The following ZBED6 variants were observed in gnomAD, a reference collection of about 807,000 sequenced individuals.
ZBED6 encodes the protein zinc finger BED-type containing 6.
Under a neutral mutation model 58.4 loss-of-function variants are expected in ZBED6, and 40 were observed. The ratio of observed to expected loss-of-function variants is 0.68; its 90% confidence interval spans 0.53 to 0.89. ZBED6 has a LOEUF of 0.89. ZBED6 is among the 40% of genes least tolerant of loss of function. ZBED6 has a pLI of 0.00. For synonymous variants in ZBED6, 439 were observed against 350.6 expected, an observed-to-expected ratio of 1.25 and a Z score of -2.82; for missense variants, 1,057 against 1,003.9, an observed-to-expected ratio of 1.05 and a Z score of -0.71.
intron 1 of ZBED6, among the ~76,000 whole-genome samples, chr1:203,809,979 A>AG (rs1337709923): frequency 6.6e-6 from 1 of 152,138 alleles, no homozygotes; most frequent in Non-Finnish European, 1.5e-5. Context: ...AACAAAAAAA[A>AG]GTAACTGGGT....
At chr1:203,834,122 C>A in intron 9 of ZBED6, 2 of 1,106,856 alleles carry the variant, frequency 1.8e-6, no homozygotes, top group Non-Finnish European at 2.2e-6. Context: ...ACCTCTATTT[C>A]TCTGAACAAA....
exon 1 of ZBED6, chr1:203,800,787 A>G (rs181240822): frequency 5.6e-6 from 1 of 180,048 alleles, no homozygotes; most frequent in East Asian, 1.4e-4. Context: ...GTTTTAAGTA[A>G]AACTTCCCCC....
At chr1:203,812,973 T>A (rs1321559988) in intron 1 of ZBED6, among the ~76,000 whole-genome samples, 1 of 152,232 alleles carries the variant, frequency 6.6e-6, no homozygotes, top group East Asian at 1.9e-4. Flanking sequence ...CTGTATACCT[T>A]CTTTGGTGAG....
intron 10 of ZBED6, 90 bp from the exon 11 acceptor site, chr1:203,840,216 G>A: frequency 7.7e-7 from 1 of 1,291,396 alleles, no homozygotes. Context: ...TGGGATTACA[G>A]GTGTATGCCA....
intron 3 of ZBED6, 106 bp downstream of exon 3, chr1:203,818,795 T>C: frequency 6.5e-7 from 1 of 1,529,024 alleles, no homozygotes; most frequent in Non-Finnish European, 8.9e-7. Context: ...TAAGGCTGAG[T>C]GCAGTGGCTC....
chr1:203,833,567 A>G (rs941489247), intron 8 of ZBED6, among the ~76,000 whole-genome samples: 7 of 144,028 alleles, frequency 4.9e-5, no homozygotes, highest in South Asian at 2.2e-4. Flanking sequence ...GTACTATGCT[A>G]TTGCTTCTGT....
exon 9 of ZBED6, chr1:203,833,811 T>C (rs776884286): frequency 3.7e-6 from 6 of 1,609,802 alleles, no homozygotes; most frequent in African/African-American, 2.7e-5. Context: ...CTTGGTTAGA[T>C]TGAGTCTTAC....
At chr1:203,843,918 T>G (rs1198005904) in intron 11 of ZBED6, among the ~76,000 whole-genome samples, 4 of 152,048 alleles carry the variant, frequency 2.6e-5, no homozygotes, top group East Asian at 1.9e-4. Context: ...AGTGCAATGG[T>G]GCGATCTCGG....
exon 13 of ZBED6, chr1:203,848,391 G>C (rs1688446892): frequency 6.2e-7 from 1 of 1,610,076 alleles, no homozygotes; most frequent in Non-Finnish European, 8.5e-7. Flanking sequence ...AGCAGTATTA[G>C]AACAGAAGCT....
At chr1:203,819,809 C>T (rs1186973360) in intron 3 of ZBED6, among the ~76,000 whole-genome samples, 4 of 150,688 alleles carry the variant, frequency 2.7e-5, no homozygotes, top group Non-Finnish European at 4.4e-5. Context: ...GCTGGGATTA[C>T]AGGCATGAGC....
intron 3 of ZBED6, among the ~76,000 whole-genome samples, chr1:203,828,032 T>A (rs1681126950): frequency 6.7e-6 from 1 of 148,750 alleles, no homozygotes; most frequent in Non-Finnish European, 1.5e-5. Context: ...TCATCCTGCT[T>A]CTCTAAATTA....
intron 8 of ZBED6, among the ~76,000 whole-genome samples, chr1:203,833,526 A>G (rs1683153626): frequency 6.6e-6 from 1 of 151,400 alleles, no homozygotes; most frequent in East Asian, 1.9e-4. Context: ...GCAAGAGTCT[A>G]TTATTATTAT....
At chr1:203,820,596 A>G (rs1050475434) in intron 3 of ZBED6, among the ~76,000 whole-genome samples, 2 of 151,286 alleles carry the variant, frequency 1.3e-5, no homozygotes, top group Admixed American at 6.6e-5. Flanking sequence ...TTGTGCCTCA[A>G]CCTCTCGAGT....
In ZBED6 at chr1:203,816,918, C is replaced by T. The variant is rs1676575101; in HGVS notation, c.*2555-8C>T. On this transcript the variant is annotated splice_region_variant and splice_polypyrimidine_tract_variant and intron_variant, in intron 1 of 16. Transcript: ENST00000550078. ...GAAATATTTTAATTCATTGTCTCCT[C>T]ATTTTAGGATTACAGTTTAAAGACA... The T allele has an allele frequency of 3.7e-6, 2 of 536,252 alleles. No individual in the cohort carries two copies. Among genetic ancestry groups the T allele is most frequent in the African/African-American group, 2.0e-5 (1 of 50,932 alleles). 33.2% of individuals were successfully genotyped at this position (536,252 alleles called of 1,614,324 possible).
intron 11 of ZBED6, among the ~76,000 whole-genome samples, chr1:203,846,515 C>G (rs548566610): frequency 6.6e-6 from 1 of 152,170 alleles, no homozygotes; most frequent in East Asian, 1.9e-4. Flanking sequence ...AGCATTATAC[C>G]TACCTTATCA....
chr1:203,816,370 A>G (rs1191869266), intron 1 of ZBED6, among the ~76,000 whole-genome samples: 1 of 152,176 alleles, frequency 6.6e-6, no homozygotes, highest in East Asian at 1.9e-4. Flanking sequence ...CACACCTATA[A>G]TCCCAGCATT....
chr1:203,819,529 A>ATTTTTTTTTT (rs755259647), intron 3 of ZBED6, among the ~76,000 whole-genome samples: 35 of 72,878 alleles, frequency 4.8e-4, no homozygotes, highest in East Asian at 7.2e-4. Flanking sequence ...GCTGACTCCA[A>ATTTTTTTTTT]TTTTTTTTTT....
chr1:203,831,793 G>C lies in ZBED6; in HGVS notation c.*3510+22G>C, dbSNP rs775897965. ...CAAGGTAAGGTATAGATAGGTCTTA[G>C]AGTTGTCAAGCCTCTACTTTTATAT... On this transcript the variant is annotated intron_variant, in intron 8 of 16. Transcript: ENST00000550078. 7 of 1,577,952 alleles carry C rather than the reference G, an allele frequency of 4.4e-6. No individual in the cohort carries two copies. The South Asian group carries it at 8.0e-5, about 18-fold the overall frequency.
intron 11 of ZBED6, among the ~76,000 whole-genome samples, chr1:203,841,525 A>G (rs1185045434): frequency 6.6e-6 from 1 of 152,238 alleles, no homozygotes; most frequent in Non-Finnish European, 1.5e-5. Flanking sequence ...CTTAGTACAG[A>G]ACAAAATGGA....
Sources: gnomAD v4.1 joint callset for allele counts (sites outside exome capture counted in the v4.1 genomes callset) on GRCh38, gnomAD v4.1.1 for gene constraint, MANE v1.5 for transcripts, NCBI Gene and HGNC (gene_info 2026-07-23, HGNC 2026-07-21) for gene names.